PDE10A: variants seen among roughly 807,000 people sequenced by gnomAD.
PDE10A encodes the protein phosphodiesterase 10A, also known as cAMP and cAMP-inhibited cGMP 3',5'-cyclic phosphodiesterase 10A.
A neutral mutation model predicts 97.7 loss-of-function variants in PDE10A; 39 were observed. The ratio of observed to expected loss-of-function variants is 0.40; its 90% CI spans 0.31 to 0.52. PDE10A has a LOEUF of 0.52. Among genes scored for constraint, PDE10A ranks in the 20% least tolerant of loss-of-function variants. The probability of loss-of-function intolerance (pLI) is 0.56; values close to 1 mark genes in which losing one functional copy is unlikely to be tolerated. For missense variants in PDE10A, 731 were observed against 1,047.8 expected, an observed-to-expected ratio of 0.70 and a Z score of 4.17; for synonymous variants, 371 against 376.8, an observed-to-expected ratio of 0.98 and a Z score of 0.18.
At chr6:165,347,942 C>A (rs1782426407) in intron 18 of PDE10A, among the ~76,000 whole-genome samples, 1 of 152,158 alleles carries the variant, frequency 6.6e-6, no homozygotes, top group Admixed American at 6.5e-5. Flanking sequence ...TTTTCAAGTT[C>A]TATTTCTGAA....
At chr6:165,459,888 C>T (rs1447003340) in intron 3 of PDE10A, among the ~76,000 whole-genome samples, 2 of 152,092 alleles carry the variant, frequency 1.3e-5, no homozygotes, top group Non-Finnish European at 2.9e-5. Flanking sequence ...AAAAAATCAG[C>T]GAGTCAGGCC....
intron 1 of PDE10A, among the ~76,000 whole-genome samples, chr6:165,897,538 G>A (rs1781987337): frequency 6.6e-6 from 1 of 152,070 alleles, no homozygotes; most frequent in South Asian, 2.1e-4. Flanking sequence ...CTGCTGAGGG[G>A]TGAGGATTGG....
chr6:165,660,808 T>C (rs1410046662), intron 1 of PDE10A: 1 of 152,208 alleles, frequency 6.6e-6, no homozygotes, highest in Non-Finnish European at 1.5e-5. Context: ...GCACACGCGG[T>C]GGACGGTGGC....
At chr6:165,566,559 CAT>C (rs1028365360) in intron 1 of PDE10A, among the ~76,000 whole-genome samples, 6 of 152,102 alleles carry the variant, frequency 3.9e-5, no homozygotes, top group African/African-American at 1.4e-4. Flanking sequence ...CGCCAGAAAA[CAT>C]AGGACAGGAA....
chr6:165,773,018 A>G (rs1200390706), intron 1 of PDE10A, among the ~76,000 whole-genome samples: 1 of 152,218 alleles, frequency 6.6e-6, no homozygotes, highest in Non-Finnish European at 1.5e-5. Context: ...TAAAAAATAG[A>G]TTGCCGAAAT....
At chr6:165,782,948 G>A (rs1778383792) in intron 1 of PDE10A, among the ~76,000 whole-genome samples, 1 of 152,174 alleles carries the variant, frequency 6.6e-6, no homozygotes, top group African/African-American at 2.4e-5. Context: ...ACAGATGTTT[G>A]TGTGGTGTTT....
At chr6:165,483,634 C>A (rs922223265) in intron 2 of PDE10A, among the ~76,000 whole-genome samples, 3 of 152,036 alleles carry the variant, frequency 2.0e-5, no homozygotes, top group African/African-American at 7.2e-5. Flanking sequence ...AAGTTTTGAT[C>A]TAAAATATTT....
At chr6:165,474,740 G>C (rs1379420054) in intron 3 of PDE10A, among the ~76,000 whole-genome samples, 8 of 151,964 alleles carry the variant, frequency 5.3e-5, no homozygotes. Flanking sequence ...TCCACTCTTA[G>C]TATTTGTAAG....
chr6:165,895,558 C>A (rs1220499404), intron 1 of PDE10A, among the ~76,000 whole-genome samples: 2 of 152,206 alleles, frequency 1.3e-5, no homozygotes, highest in African/African-American at 4.8e-5. Flanking sequence ...TTTGTCACAG[C>A]AGCCCTGGGA....
At chr6:165,370,355 A>T (rs1355461357) in intron 18 of PDE10A, among the ~76,000 whole-genome samples, 1 of 121,712 alleles carries the variant, frequency 8.2e-6, no homozygotes, top group African/African-American at 3.4e-5. Context: ...AGAGACACAC[A>T]TAGGCTCAAA....
Position 165,435,331 on chromosome 6 carries a change from C to A in PDE10A, c.1241G>T (p.Arg414Leu). The A allele has an allele frequency of 6.2e-7, 1 of 1,613,916 alleles. No individual in the cohort carries two copies. The highest frequency in any genetic ancestry group is 8.5e-7 in the Non-Finnish European group (1 of 1,179,870). Residue 414 changes from arginine (R) to leucine (L), a missense_variant, in exon 6 of 22, where the codon CGC (arginine) becomes CTC (leucine). Physicochemically the swap from Arg to Leu is moderately radical, Grantham distance 102. Coordinates refer to ENST00000539869, the MANE Select transcript of PDE10A (RefSeq NM_001385079.1). ...TPPGIKEGKP[R>L]LIPAGPITQG... is the part of the protein sequence containing the mutation. ...AGTGATGGGCCCAGCAGGGATGAGG[C>A]GGGGTTTTCCTTCCTTTATCCCAGG...
chr6:165,804,831 CG>C, intron 1 of PDE10A, among the ~76,000 whole-genome samples: 1 of 151,610 alleles, frequency 6.6e-6, no homozygotes, highest in Admixed American at 6.6e-5. Flanking sequence ...GCGTGGGCGG[CG>C]ACAGCTGCAG....
intron 1 of PDE10A, chr6:165,660,032 G>A (rs1790160096): frequency 6.6e-6 from 1 of 152,218 alleles, no homozygotes; most frequent in African/African-American, 2.4e-5. Context: ...GCAAGATAGA[G>A]CGTTCTTCAA....
At chr6:165,866,217 T>C (rs796622420) in intron 1 of PDE10A, among the ~76,000 whole-genome samples, 15 of 152,164 alleles carry the variant, frequency 9.9e-5, no homozygotes, top group African/African-American at 3.6e-4. Context: ...TAAATATGTG[T>C]GTGACTAAAA....
At chr6:165,817,107 C>T (rs1456016289) in intron 1 of PDE10A, among the ~76,000 whole-genome samples, 2 of 152,130 alleles carry the variant, frequency 1.3e-5, no homozygotes, top group African/African-American at 4.8e-5. Flanking sequence ...GAATGAGGAA[C>T]TCAGAGCCTC....
At chr6:165,828,242 A>G (rs979142862) in intron 1 of PDE10A, among the ~76,000 whole-genome samples, 5 of 152,280 alleles carry the variant, frequency 3.3e-5, no homozygotes, top group Admixed American at 2.6e-4. Flanking sequence ...CTAAACACCT[A>G]CTGTTACAGG....
chr6:165,443,694 G>A (rs981353012), intron 5 of PDE10A, among the ~76,000 whole-genome samples: 2 of 152,170 alleles, frequency 1.3e-5, no homozygotes, highest in African/African-American at 4.8e-5. Flanking sequence ...CTTCTGCCTG[G>A]ATATCCAGGC....
intron 1 of PDE10A, among the ~76,000 whole-genome samples, chr6:165,633,839 T>C (rs1042231608): frequency 5.9e-5 from 9 of 152,014 alleles, no homozygotes; most frequent in Non-Finnish European, 1.3e-4. Context: ...TTTCACCATG[T>C]TGGCCAGGCT....
At chr6:165,663,594 G>A (rs377620178), upstream of PDE10A, among the ~76,000 whole-genome samples, 33 of 152,334 alleles carry the variant, frequency 2.2e-4, no homozygotes, top group South Asian at 5.8e-3. Flanking sequence ...CCGGGAGAGA[G>A]TTCCAACTCG....
Sources: allele counts gnomAD v4.1 joint callset (sites outside exome capture counted in the v4.1 genomes callset), GRCh38; gene constraint gnomAD v4.1.1; transcripts MANE v1.5; gene names NCBI Gene and HGNC (gene_info 2026-07-23, HGNC 2026-07-21).